Variants in STARD6 observed in about 807,000 individuals in gnomAD.
STARD6 encodes the protein StAR related lipid transfer domain containing 6.
A neutral mutation model predicts 22.3 loss-of-function variants in STARD6; 21 were observed. That is an observed-to-expected ratio of 0.94 (90% CI 0.67 to 1.35). The LOEUF (loss-of-function observed/expected upper bound fraction) is 1.35. STARD6 is among the 40% of genes most tolerant of loss of function. The pLI is 0.00. For missense variants in STARD6, 269 were observed against 266.9 expected (o/e 1.01, Z -0.05); for synonymous variants, 80 against 88.1 (o/e 0.91, Z 0.52).
chr18:54,331,940 C>A, intron 5 of STARD6, 81 bp from the exon 6 acceptor site: 1 of 941,256 alleles, frequency 1.1e-6, no homozygotes, highest in Non-Finnish European at 1.6e-6. Context: ...AATTTTATTG[C>A]ATATGATTGG....
At chr18:54,326,326 C>CTTTTTTTTTTTTTTTTT (rs11353724) in intron 7 of STARD6, among the ~76,000 whole-genome samples, 2 of 120,272 alleles carry the variant, frequency 1.7e-5, no homozygotes, top group Non-Finnish European at 3.4e-5. Context: ...GCTGACAGGT[C>CTTTTTTTTTTTTTTTTT]TTTTTTTTTT....
rs1175340519 is a variant in STARD6, at chr18:54,343,266, A to C, written c.141-6015T>G. ...GAAGTGAGGAGCCCCTCCGCCCGGCAGCTGCCCCGTCTGAGAAGTGAGGAG... is the reference window on the plus strand; with the variant it reads ...GAAGTGAGGAGCCCCTCCGCCCGGCCGCTGCCCCGTCTGAGAAGTGAGGAG... On this transcript the variant is annotated intron_variant, in intron 4 of 7. Transcript: ENST00000307844. Among the ~76,000 whole-genome samples the C allele has an allele frequency of 3.2e-3, 275 of 85,120 alleles. 5 individuals carry two copies. The highest frequency in any genetic ancestry group is 0.013 in the African/African-American group (269 of 21,002). 55.8% of individuals were successfully genotyped at this position (85,120 alleles called of 152,430 possible).
At chr18:54,339,310 A>C (rs2088949443) in intron 4 of STARD6, among the ~76,000 whole-genome samples, 2 of 151,720 alleles carry the variant, frequency 1.3e-5, no homozygotes, top group South Asian at 4.1e-4. Flanking sequence ...AATATGCAAA[A>C]AAATATAGAA....
intron 7 of STARD6, among the ~76,000 whole-genome samples, chr18:54,328,261 G>A (rs528479344): frequency 4.6e-5 from 7 of 152,272 alleles, no homozygotes; most frequent in African/African-American, 1.7e-4. Flanking sequence ...ACACACATGA[G>A]AAAGCCTTTC....
intron 4 of STARD6, among the ~76,000 whole-genome samples, chr18:54,351,710 T>C (rs1311301242): frequency 6.6e-6 from 1 of 152,076 alleles, no homozygotes; most frequent in Non-Finnish European, 1.5e-5. Context: ...TGATCAAAAT[T>C]TTTGTTTTTA....
At chr18:54,351,270 C>A (rs2089093520) in intron 4 of STARD6, among the ~76,000 whole-genome samples, 1 of 152,112 alleles carries the variant, frequency 6.6e-6, no homozygotes, top group Non-Finnish European at 1.5e-5. Flanking sequence ...TTATTTCATT[C>A]TCAGCTTGGT....
In STARD6 at chr18:54,354,101, T is replaced by C; in HGVS notation, c.93A>G (p.Lys31=). 6.4e-7 allele frequency: 1 copy of C among 1,557,612 alleles called. No homozygotes were observed. The highest frequency in any genetic ancestry group is 8.7e-7 in the Non-Finnish European group (1 of 1,148,414). ...TSGWKVVKTS[K]KITVSSKASR... ...AAGCCTTACTGGAAACAGTTATCTT[T>C]TTCTCAAAGGGGAATAAAAATCCAC... is the stretch of plus-strand genomic sequence containing the variant. The change falls in exon 4 of 8, where the codon AAA becomes AAG. Residue 31 remains lysine (K), a splice_region_variant and synonymous_variant. Coordinates refer to ENST00000307844, the MANE Select transcript of STARD6 (RefSeq NM_139171.2).
At chr18:54,357,396 T>C (rs900320239) in intron 1 of STARD6, among the ~76,000 whole-genome samples, 15 of 152,052 alleles carry the variant, frequency 9.9e-5, no homozygotes, top group African/African-American at 3.6e-4. Flanking sequence ...CAATCTCCCA[T>C]CTGCTTTGTG....
chr18:54,337,565 A>G (rs898999622), intron 4 of STARD6, among the ~76,000 whole-genome samples: 1 of 152,218 alleles, frequency 6.6e-6, no homozygotes, highest in Non-Finnish European at 1.5e-5. Flanking sequence ...TAACTCCCAC[A>G]TTGTTCAAGG....
chr18:54,330,108 G>T (rs1234318751), intron 6 of STARD6, among the ~76,000 whole-genome samples: 39 of 151,876 alleles, frequency 2.6e-4, no homozygotes, highest in Admixed American at 2.6e-3. Flanking sequence ...TATTTTAAAA[G>T]ATATATTTGT....
At chr18:54,357,619 C>G (rs1043539079) in intron 1 of STARD6, among the ~76,000 whole-genome samples, 173 bp downstream of exon 1, 2 of 152,170 alleles carry the variant, frequency 1.3e-5, no homozygotes, top group Non-Finnish European at 2.9e-5. Context: ...GTCTCCCTCC[C>G]CACCCAGTCC....
chr18:54,350,474 G>C (rs992802328), intron 4 of STARD6, among the ~76,000 whole-genome samples: 1 of 151,986 alleles, frequency 6.6e-6, no homozygotes, highest in African/African-American at 2.4e-5. Flanking sequence ...GATGCAGAAG[G>C]CTTTTAGTTT....
chr18:54,335,250 G>A (rs760352737), intron 5 of STARD6, among the ~76,000 whole-genome samples: 32 of 151,680 alleles, frequency 2.1e-4, no homozygotes, highest in Non-Finnish European at 4.3e-4. Flanking sequence ...GCTGGAGTGC[G>A]ACGGCATGAT....
intron 4 of STARD6, among the ~76,000 whole-genome samples, chr18:54,340,307 T>C (rs918703584): frequency 6.6e-6 from 1 of 152,178 alleles, no homozygotes; most frequent in African/African-American, 2.4e-5. Flanking sequence ...AAAGCTTTTA[T>C]ATCTTACTGG....
At chr18:54,350,868 G>A (rs2089089699) in intron 4 of STARD6, among the ~76,000 whole-genome samples, 1 of 151,978 alleles carries the variant, frequency 6.6e-6, no homozygotes, top group Non-Finnish European at 1.5e-5. Flanking sequence ...TAGTCCCATG[G>A]TGTTTGGTAA....
At chr18:54,344,794 C>T (rs573453068) in intron 4 of STARD6, among the ~76,000 whole-genome samples, 1 of 152,120 alleles carries the variant, frequency 6.6e-6, no homozygotes, top group Non-Finnish European at 1.5e-5. Context: ...GACTAAACAA[C>T]AAAACCACAT....
intron 4 of STARD6, among the ~76,000 whole-genome samples, chr18:54,350,299 G>A (rs118101714): frequency 0.011 from 1,729 of 151,958 alleles, 12 homozygotes; most frequent in Non-Finnish European, 0.016. Context: ...AATTGTCTAC[G>A]CATGTCCTTT....
chr18:54,343,266 A>T (rs1175340519), intron 4 of STARD6, among the ~76,000 whole-genome samples: 1 of 85,048 alleles, frequency 1.2e-5, no homozygotes, highest in African/African-American at 4.8e-5. Flanking sequence ...TCCGCCCGGC[A>T]GCTGCCCCGT....
intron 4 of STARD6, among the ~76,000 whole-genome samples, chr18:54,348,411 A>T (rs2089059116): frequency 6.6e-6 from 1 of 152,176 alleles, no homozygotes; most frequent in African/African-American, 2.4e-5. Flanking sequence ...ATCTCTGGAT[A>T]ATCTGCCTTC....
Sources: gnomAD v4.1 joint callset for allele counts (sites outside exome capture counted in the v4.1 genomes callset) on GRCh38, gnomAD v4.1.1 for gene constraint, MANE v1.5 for transcripts, NCBI Gene and HGNC (gene_info 2026-07-23, HGNC 2026-07-21) for gene names.